The following METAP1D variants were observed in gnomAD, a reference collection of about 807,000 sequenced individuals.
METAP1D encodes methionine aminopeptidase 1D, mitochondrial.
A neutral mutation model predicts 40.5 loss-of-function variants in METAP1D; 31 were observed. That is an observed-to-expected ratio of 0.77 (90% CI 0.58 to 1.03). The LOEUF is 1.03. METAP1D is among the 50% of genes least tolerant of loss of function. The pLI is 0.00. For missense variants in METAP1D, 411 were observed against 420.7 expected, an observed-to-expected ratio of 0.98 and a Z score of 0.20; for synonymous variants, 151 against 146.4, an observed-to-expected ratio of 1.03 and a Z score of -0.22.
chr2:172,024,062 T>A (rs1372259408), intron 1 of METAP1D, among the ~76,000 whole-genome samples: 5 of 152,100 alleles, frequency 3.3e-5, no homozygotes, highest in African/African-American at 1.2e-4. Context: ...GGTTTCACTG[T>A]GTTAGCCAGG....
chr2:172,055,876 T>C (rs954817976), intron 1 of METAP1D, among the ~76,000 whole-genome samples: 1 of 152,190 alleles, frequency 6.6e-6, no homozygotes, highest in Non-Finnish European at 1.5e-5. Flanking sequence ...CATCCAGTCA[T>C]GTGTGGGTGT....
At chr2:172,009,119 C>G (rs1688653853) in intron 1 of METAP1D, among the ~76,000 whole-genome samples, 1 of 151,876 alleles carries the variant, frequency 6.6e-6, no homozygotes, top group African/African-American at 2.4e-5. Context: ...CTGCTCACTG[C>G]AAACTCCACC....
chr2:172,001,311 A>G (rs7557612), intron 1 of METAP1D, among the ~76,000 whole-genome samples: 65,261 of 151,784 alleles, frequency 0.43, 15,546 homozygotes, highest in Middle Eastern at 0.59. Flanking sequence ...AGGCCGAGGC[A>G]GGTGGCTCAC....
At chr2:172,011,648 G>A (rs1035229774) in intron 1 of METAP1D, among the ~76,000 whole-genome samples, 2 of 152,160 alleles carry the variant, frequency 1.3e-5, no homozygotes, top group Admixed American at 1.3e-4. Flanking sequence ...CATACAACAT[G>A]CAGTCTTTTG....
At chr2:172,051,754 T>C (rs1250877760) in intron 1 of METAP1D, among the ~76,000 whole-genome samples, 1 of 152,166 alleles carries the variant, frequency 6.6e-6, no homozygotes, top group Non-Finnish European at 1.5e-5. Context: ...TGTAGATGAA[T>C]TCTGACATCT....
chr2:172,066,908 G>A (rs549392167), intron 5 of METAP1D, among the ~76,000 whole-genome samples: 3 of 152,340 alleles, frequency 2.0e-5, no homozygotes, highest in Non-Finnish European at 2.9e-5. Flanking sequence ...TGTGCTCAAA[G>A]TAAGCAGAGT....
intron 1 of METAP1D, among the ~76,000 whole-genome samples, chr2:172,015,280 C>T (rs1268505715): frequency 1.3e-5 from 2 of 152,104 alleles, no homozygotes; most frequent in Non-Finnish European, 1.5e-5. Context: ...GGCATGGTGG[C>T]GCCCACCTGT....
chr2:172,070,217 T>G (rs1446302587), intron 5 of METAP1D, among the ~76,000 whole-genome samples: 2 of 152,210 alleles, frequency 1.3e-5, no homozygotes, highest in African/African-American at 2.4e-5. Context: ...TTTCTGTAAT[T>G]GTGCTTTTAA....
intron 1 of METAP1D, among the ~76,000 whole-genome samples, chr2:172,035,142 A>G (rs1689340769): frequency 8.6e-6 from 1 of 116,246 alleles, no homozygotes; most frequent in African/African-American, 2.7e-5. Context: ...TAACTACTGT[A>G]CTGTGTTTTT....
In METAP1D at chr2:172,079,270, G is replaced by T; in HGVS notation, c.850+8G>T. 6.2e-7 allele frequency: 1 copy of T among 1,613,996 alleles called. No individual in the cohort carries two copies. The highest frequency in any genetic ancestry group is 8.5e-7 in the Non-Finnish European group (1 of 1,179,976). Reference sequence around the variant, plus strand: ...GCATGGCATTCACTATAGGTAAATTGAGCTCCTCTTCCGAGTGAGTGCGTA... The same window carrying T: ...GCATGGCATTCACTATAGGTAAATTTAGCTCCTCTTCCGAGTGAGTGCGTA... On this transcript the variant is annotated splice_region_variant and intron_variant, in intron 8 of 9. Coordinates refer to ENST00000315796, the MANE Select transcript of METAP1D (RefSeq NM_199227.3).
chr2:172,009,038 T>G (rs1574086439), intron 1 of METAP1D, among the ~76,000 whole-genome samples: 5 of 151,054 alleles, frequency 3.3e-5, no homozygotes, highest in African/African-American at 1.2e-4. Flanking sequence ...TTTCTGGAAT[T>G]TTCTTTCTTT....
At position 172,045,809 on chromosome 2, in the gene METAP1D, GTGTGTGTGTGTATATA is replaced by G. The variant is rs1157440141; in HGVS notation, c.41-15687_41-15672del. Among the ~76,000 whole-genome samples, 520 of 69,882 alleles carry G rather than the reference GTGTGTGTGTGTATATA, an allele frequency of 7.4e-3. 9 individuals are homozygous for G. The highest frequency in any genetic ancestry group is 0.026 in the East Asian group (82 of 3,110). 45.8% of individuals were successfully genotyped at this position (69,882 alleles called of 152,430 possible). ...TGTATATGTATATATGTGTGTGTGTGTGTGTGTGTGTATATATATATATATATATATATATATATAT... is the reference window on the plus strand; with the variant it reads ...TGTATATGTATATATGTGTGTGTGTGTATATATATATATATATATATATAT... On this transcript the variant is annotated intron_variant, in intron 1 of 9. Coordinates refer to ENST00000315796, the MANE Select transcript of METAP1D (RefSeq NM_199227.3).
rs201087160 is a variant in METAP1D, at chr2:172,017,375, GTATA to G, written c.40+17372_40+17375del. 0.033 allele frequency among the ~76,000 whole-genome samples: 4,961 copies of G among 149,074 alleles called. 795 individuals carry two copies. The East Asian group carries it at 0.53, about 16-fold the overall frequency. On this transcript the variant is annotated intron_variant, in intron 1 of 9. Coordinates refer to ENST00000315796, the MANE Select transcript of METAP1D (RefSeq NM_199227.3). ...TATAGGTATATATGTATATATATGT[GTATA>G]TATATGTATATATGTGTATATATGT...
At chr2:172,041,726 T>TTTATATATATATATATATATATA (rs1273069042) in intron 1 of METAP1D, among the ~76,000 whole-genome samples, 1 of 37,560 alleles carries the variant, frequency 2.7e-5, no homozygotes. Flanking sequence ...TCTAATTATT[T>TTTATATATATATATATATATATA]TATATATATA....
At chr2:172,028,748 G>T (rs1689177129) in intron 1 of METAP1D, among the ~76,000 whole-genome samples, 1 of 152,132 alleles carries the variant, frequency 6.6e-6, no homozygotes, top group Non-Finnish European at 1.5e-5. Context: ...ATGTGAAGCT[G>T]TGATGGAAAA....
intron 1 of METAP1D, among the ~76,000 whole-genome samples, chr2:172,016,324 TATATATAA>T (rs796079469): frequency 0.042 from 4,279 of 101,104 alleles, 277 homozygotes; most frequent in South Asian, 0.089. Flanking sequence ...TATATATATA[TATATATAA>T]ATAGTCCAGG....
chr2:172,047,439 CT>C (rs34000564), intron 1 of METAP1D, among the ~76,000 whole-genome samples: 41,474 of 147,304 alleles, frequency 0.28, 6,458 homozygotes, highest in Middle Eastern at 0.4. Context: ...AGGCTGAATT[CT>C]TTTTTTTTTT....
At chr2:172,031,985 G>A (rs898361220) in intron 1 of METAP1D, among the ~76,000 whole-genome samples, 2 of 152,154 alleles carry the variant, frequency 1.3e-5, no homozygotes, top group Non-Finnish European at 2.9e-5. Flanking sequence ...CATGTGTAAC[G>A]GTGCCCTGGG....
intron 1 of METAP1D, among the ~76,000 whole-genome samples, chr2:172,052,051 T>A (rs1362187708): frequency 6.6e-6 from 1 of 152,318 alleles, no homozygotes; most frequent in East Asian, 1.9e-4. Flanking sequence ...TGAAGTAGAA[T>A]ATTTATTTCA....
Sources: gnomAD v4.1 joint callset for allele counts (sites outside exome capture counted in the v4.1 genomes callset) on GRCh38, gnomAD v4.1.1 for gene constraint, MANE v1.5 for transcripts, NCBI Gene and HGNC (gene_info 2026-07-23, HGNC 2026-07-21) for gene names.